NELL2: variants seen among roughly 807,000 people sequenced by gnomAD.
NELL2 encodes the protein protein kinase C-binding protein NELL2.
A neutral mutation model predicts 109.6 loss-of-function variants in NELL2; 41 were observed. The ratio of observed to expected loss-of-function variants is 0.37; its 90% CI spans 0.29 to 0.49. The LOEUF (loss-of-function observed/expected upper bound fraction) is 0.49, where lower values mean the gene tolerates loss of function less well. Ranked by LOEUF, NELL2 falls within the 20% of genes least tolerant of loss-of-function variation. The pLI is 0.98. For missense variants in NELL2, 900 were observed against 1,008.3 expected, an observed-to-expected ratio of 0.89 and a Z score of 1.45; for synonymous variants, 355 against 344.7, an observed-to-expected ratio of 1.03 and a Z score of -0.33.
chr12:44,704,702 G>A (rs1228175908), intron 11 of NELL2, among the ~76,000 whole-genome samples: 1 of 152,020 alleles, frequency 6.6e-6, no homozygotes, highest in African/African-American at 2.4e-5. Context: ...ACTTTCTAAT[G>A]GATTACTATT....
At chr12:44,878,477 G>A (rs944729069), upstream of NELL2, among the ~76,000 whole-genome samples, 1 of 152,090 alleles carries the variant, frequency 6.6e-6, no homozygotes, top group Non-Finnish European at 1.5e-5. Context: ...TAACATTTTG[G>A]GGCTGGATAA....
chr12:44,893,520 T>C (rs927835913), intron 1 of NELL2, among the ~76,000 whole-genome samples: 1 of 152,146 alleles, frequency 6.6e-6, no homozygotes, highest in Non-Finnish European at 1.5e-5. Flanking sequence ...ACAGCTAAAT[T>C]AAGTATTTCT....
chr12:44,642,330 TA>T (rs1458889250), intron 13 of NELL2, among the ~76,000 whole-genome samples: 2 of 152,048 alleles, frequency 1.3e-5, no homozygotes, highest in African/African-American at 2.4e-5. Flanking sequence ...AGGACGTGAA[TA>T]AGCAATTCAC....
At chr12:44,562,171 T>C (rs2049241034) in intron 15 of NELL2, among the ~76,000 whole-genome samples, 2 of 152,184 alleles carry the variant, frequency 1.3e-5, no homozygotes, top group Admixed American at 1.3e-4. Flanking sequence ...TAACTCAAGA[T>C]GGATTAAAGA....
At chr12:44,679,815 T>C (rs1052614051) in intron 12 of NELL2, among the ~76,000 whole-genome samples, 23 of 152,078 alleles carry the variant, frequency 1.5e-4, no homozygotes, top group African/African-American at 5.6e-4. Flanking sequence ...TGGAGTCACA[T>C]CTCAAAGCCC....
chr12:44,904,255 G>A (rs888001347), intron 1 of NELL2, among the ~76,000 whole-genome samples: 2 of 151,930 alleles, frequency 1.3e-5, no homozygotes, highest in Non-Finnish European at 2.9e-5. Context: ...ATGGGAAAAG[G>A]CTAGATCAGA....
intron 10 of NELL2, among the ~76,000 whole-genome samples, chr12:44,714,177 C>G (rs534390991): frequency 2.0e-5 from 3 of 152,056 alleles, no homozygotes; most frequent in Non-Finnish European, 2.9e-5. Flanking sequence ...AGGAATTTCC[C>G]TTTAACTAAT....
At chr12:44,720,214 T>A (rs1486380493) in intron 9 of NELL2, among the ~76,000 whole-genome samples, 2 of 152,180 alleles carry the variant, frequency 1.3e-5, no homozygotes, top group Non-Finnish European at 2.9e-5. Context: ...ATCTTTCTTA[T>A]CTCAGGACAG....
intron 13 of NELL2, among the ~76,000 whole-genome samples, chr12:44,625,764 C>G (rs1485787161): frequency 6.6e-6 from 1 of 152,060 alleles, no homozygotes; most frequent in African/African-American, 2.4e-5. Context: ...TCAACTATTT[C>G]AGAGAAAAAC....
chr12:44,680,596 AC>A (rs1161030177), intron 12 of NELL2, among the ~76,000 whole-genome samples: 9 of 152,124 alleles, frequency 5.9e-5, no homozygotes, highest in African/African-American at 2.2e-4. Flanking sequence ...ACAATTCAGA[AC>A]CATAATGCCC....
intron 15 of NELL2, among the ~76,000 whole-genome samples, chr12:44,566,533 T>TCACACA (rs3071958): frequency 1.5e-4 from 22 of 148,762 alleles, no homozygotes; most frequent in African/African-American, 5.0e-4. Flanking sequence ...TTACACATAC[T>TCACACA]CACACACACA....
chr12:44,682,737 G>A (rs549015576), intron 12 of NELL2, among the ~76,000 whole-genome samples: 12 of 152,072 alleles, frequency 7.9e-5, no homozygotes, highest in South Asian at 4.2e-4. Context: ...GCAGATATGC[G>A]GTGTTATTTC....
intron 15 of NELL2, among the ~76,000 whole-genome samples, chr12:44,561,022 C>CA (rs1396214879): frequency 6.6e-6 from 1 of 152,174 alleles, no homozygotes; most frequent in Non-Finnish European, 1.5e-5. Flanking sequence ...AAGGCTGGTT[C>CA]AACACATGCA....
chr12:44,890,164 C>T (rs996428744), intron 1 of NELL2, among the ~76,000 whole-genome samples: 1 of 152,136 alleles, frequency 6.6e-6, no homozygotes, highest in East Asian at 1.9e-4. Flanking sequence ...TCCAGCTTGA[C>T]AGTCTTGGCC....
At chr12:44,868,330 G>C (rs543362150) in intron 2 of NELL2, among the ~76,000 whole-genome samples, 2 of 152,070 alleles carry the variant, frequency 1.3e-5, no homozygotes, top group African/African-American at 2.4e-5. Context: ...TGGATTCAAA[G>C]AATTAATATT....
chr12:44,772,207 A>G (rs1198297606), intron 9 of NELL2, among the ~76,000 whole-genome samples: 1 of 152,236 alleles, frequency 6.6e-6, no homozygotes, highest in Non-Finnish European at 1.5e-5. Flanking sequence ...AAATTATAAC[A>G]GTGACACTAC....
At chr12:44,850,227 G>A (rs890655089) in intron 2 of NELL2, among the ~76,000 whole-genome samples, 1 of 152,000 alleles carries the variant, frequency 6.6e-6, no homozygotes, top group Non-Finnish European at 1.5e-5. Flanking sequence ...TAATTTAGTA[G>A]TCCTAAAAAA....
Position 44,719,894 on chromosome 12 carries a change from C to G in NELL2, c.995-5153G>C, listed in dbSNP as rs149259037. On this transcript the variant is annotated intron_variant, in intron 9 of 19. Coordinates refer to ENST00000429094, the MANE Select transcript of NELL2 (RefSeq NM_001145108.2). ...TATGTATATTTGTATTCTTATTATACATTTTTGAAAAGAATGTACAATAAA... is the reference window on the plus strand; with the variant it reads ...TATGTATATTTGTATTCTTATTATAGATTTTTGAAAAGAATGTACAATAAA... Among the ~76,000 whole-genome samples the G allele has an allele frequency of 6.9e-4, 105 of 152,174 alleles. 1 individual carries two copies. Among genetic ancestry groups the G allele is most frequent in the African/African-American group, 2.4e-3 (100 of 41,526 alleles).
chr12:44,640,543 T>C lies in NELL2; in HGVS notation c.1444+24941A>G, dbSNP rs183339469. Among the ~76,000 whole-genome samples the C allele has an allele frequency of 2.3e-3, 348 of 152,336 alleles. 1 individual carries two copies. The highest frequency in any genetic ancestry group is 6.8e-3 in the Middle Eastern group (2 of 294). On this transcript the variant is annotated intron_variant, in intron 13 of 19. Transcript: ENST00000429094. ...AATTTTAAAATCAATATGCATGTGA[T>C]CAGTTTTTACATTCTACATTGTGTA...
Sources: gnomAD v4.1 joint callset for allele counts (sites outside exome capture counted in the v4.1 genomes callset) on GRCh38, gnomAD v4.1.1 for gene constraint, MANE v1.5 for transcripts, NCBI Gene and HGNC (gene_info 2026-07-23, HGNC 2026-07-21) for gene names.